MAST2: variants seen among roughly 807,000 people sequenced by gnomAD.
MAST2 encodes microtubule-associated serine/threonine-protein kinase 2.
MAST2 carries 70 observed loss-of-function variants against 147.4 expected under a neutral mutation model. The ratio of observed to expected loss-of-function variants is 0.47; its 90% confidence interval spans 0.39 to 0.58. MAST2 has a LOEUF of 0.58. MAST2 is among the 20% of genes least tolerant of loss of function. The pLI is 0.00. For synonymous variants in MAST2, 869 were observed against 896.8 expected (o/e 0.97, Z 0.55); for missense variants, 2,080 against 2,302.3 (o/e 0.90, Z 1.98).
At chr1:45,965,623 G>A (rs1661074038) in intron 5 of MAST2, among the ~76,000 whole-genome samples, 1 of 151,956 alleles carries the variant, frequency 6.6e-6, no homozygotes, top group Non-Finnish European at 1.5e-5. Flanking sequence ...TGTGTATTCA[G>A]TATTAAATAT....
chr1:45,939,232 G>T (rs1656766819), intron 4 of MAST2, among the ~76,000 whole-genome samples: 1 of 151,926 alleles, frequency 6.6e-6, no homozygotes, highest in Non-Finnish European at 1.5e-5. Flanking sequence ...GTGTGTGACT[G>T]TCCAATTTTT....
chr1:45,945,783 C>A (rs1020999622), intron 4 of MAST2, among the ~76,000 whole-genome samples: 7 of 152,186 alleles, frequency 4.6e-5, no homozygotes, highest in African/African-American at 1.7e-4. Flanking sequence ...AGAAATGTAA[C>A]CTGTGAGTGG....
rs192791014 is a variant in MAST2 at position 45,868,598 on chromosome 1, C to T, written c.469-13766C>T. 4.6e-4 allele frequency among the ~76,000 whole-genome samples: 70 copies of T among 151,914 alleles called. 1 individual carries two copies. The highest frequency in any genetic ancestry group is 2.9e-3 in the Admixed American group (44 of 15,256). On this transcript the variant is annotated intron_variant, in intron 3 of 28. Coordinates refer to ENST00000361297, the MANE Select transcript of MAST2 (RefSeq NM_015112.3). ...AGAGTACTTAGAGTGTCATTGTTTA[C>T]GGGTACTTAATTATTTTGGAGGATA...
chr1:45,860,827 C>T (rs1045280085), intron 3 of MAST2, among the ~76,000 whole-genome samples: 5 of 151,648 alleles, frequency 3.3e-5, no homozygotes, highest in African/African-American at 9.7e-5. Context: ...AGCGAAACTC[C>T]GTCTCCAAAA....
chr1:45,860,736 G>A (rs562304786), intron 3 of MAST2, among the ~76,000 whole-genome samples: 22 of 152,054 alleles, frequency 1.4e-4, no homozygotes, highest in African/African-American at 5.1e-4. Context: ...GGAGGCTGAG[G>A]CAGGAGAATC....
Position 45,959,429 on chromosome 1 carries a change from A to G in MAST2, c.544A>G (p.Thr182Ala). 1 of 1,613,814 alleles carries G rather than the reference A, an allele frequency of 6.2e-7. No homozygotes were observed. Among genetic ancestry groups the G allele is most frequent in the Non-Finnish European group, 8.5e-7 (1 of 1,179,816 alleles). Residue 182 changes from threonine to alanine, a missense_variant, in exon 5 of 29, where the codon ACA (threonine) becomes GCA (alanine). Thr to Ala is a moderately conservative substitution (Grantham distance 58, BLOSUM62 0). Coordinates refer to ENST00000361297, the MANE Select transcript of MAST2 (RefSeq NM_015112.3). ...CAAGAGCTTGATTGTGACCTCTAGCACATCACCTACACTACCACGGCCACA... is the reference window on the plus strand; with the variant it reads ...CAAGAGCTTGATTGTGACCTCTAGCGCATCACCTACACTACCACGGCCACA... ...NRKSLIVTSSTSPTLPRPHSP... is the reference protein window; with the variant it reads ...NRKSLIVTSSASPTLPRPHSP...
intron 3 of MAST2, among the ~76,000 whole-genome samples, chr1:45,874,723 G>A (rs1260182821): frequency 2.6e-5 from 4 of 152,170 alleles, no homozygotes; most frequent in Non-Finnish European, 4.4e-5. Flanking sequence ...GAATGTCCTT[G>A]AGAGCAAGAC....
chr1:46,034,631 G>T lies in MAST2; in HGVS notation c.3962G>T (p.Gly1321Val), dbSNP rs1314800331. The change falls in exon 29 of 29, where the codon GGT (glycine) becomes GTT (valine). Residue 1321 changes from glycine (G) to valine (V), a missense_variant. Around this residue, in one of 4 missense-constraint regions of MAST2, gnomAD observed 1,278 missense variants for 1,304.2 expected, o/e 0.98. Transcript: ENST00000361297. ...SGHTRPSSLH[G>V]LAPKLQRQYR... ...CACACACGGCCCAGCTCCCTCCACG[G>T]TCTGGCACCCAAGCTCCAACGCCAG... The T allele has an allele frequency of 1.9e-6, 3 of 1,614,016 alleles. No homozygotes were observed. Among genetic ancestry groups the T allele is most frequent in the Non-Finnish European group, 2.5e-6 (3 of 1,180,034 alleles).
At chr1:45,848,334 C>T (rs1023750597) in intron 3 of MAST2, among the ~76,000 whole-genome samples, 1 of 151,480 alleles carries the variant, frequency 6.6e-6, no homozygotes, top group Admixed American at 6.6e-5. Context: ...ACTTACTGTG[C>T]AAACAATGTG....
chr1:45,902,913 C>G (rs1650022289), intron 4 of MAST2, among the ~76,000 whole-genome samples: 1 of 151,792 alleles, frequency 6.6e-6, no homozygotes, highest in Non-Finnish European at 1.5e-5. Flanking sequence ...TTTTGTTTAT[C>G]CTTTGAAATA....
intron 5 of MAST2, among the ~76,000 whole-genome samples, chr1:45,995,915 A>G (rs4660905): frequency 0.34 from 51,477 of 151,944 alleles, 9,115 homozygotes; most frequent in African/African-American, 0.43. Flanking sequence ...ACCTTTAAGT[A>G]ATCTGGTAAA....
chr1:46,026,685 AAG>A (rs1164829068), intron 16 of MAST2, among the ~76,000 whole-genome samples: 1 of 152,032 alleles, frequency 6.6e-6, no homozygotes, highest in Non-Finnish European at 1.5e-5. Context: ...GTATAAAGGA[AAG>A]AGGATCAGGC....
rs980630614 is a variant in MAST2, at chr1:46,031,913, G to A, written c.3188-265G>A. Among the ~76,000 whole-genome samples, 20 of 152,220 alleles carry A rather than the reference G, an allele frequency of 1.3e-4. No individual in the cohort carries two copies. Among genetic ancestry groups the A allele is most frequent in the African/African-American group, 4.6e-4 (19 of 41,458 alleles). ...AAAAATGTGGATATAATAGAGGCCA[G>A]CTGATAGGTTGTGACATTTAAATAT... On this transcript the variant is annotated intron_variant, in intron 24 of 28. Coordinates refer to ENST00000361297, the MANE Select transcript of MAST2 (RefSeq NM_015112.3). This position sits in a 1 kb window ranked among gnomAD's most constrained non-coding sequence, Gnocchi z 4.1.
chr1:46,029,504 C>A lies in MAST2; in HGVS notation c.2257C>A (p.Pro753Thr). Residue 753 changes from proline (P) to threonine (T), a missense_variant, in exon 19 of 29, where the codon CCA becomes ACA. Physicochemically the swap from Pro to Thr is conservative, Grantham distance 38 (BLOSUM62 -1). This residue lies in a region of MAST2 where 209 missense variants were observed against 309.5 expected (regional missense o/e 0.68). Transcript: ENST00000361297. ...GCCTGAGGGTGATGAGGCACTGCCC[C>A]CAGACGCCCAGGACCTCACCTCCAA... ...VWPEGDEALP[P>T]DAQDLTSKLL... The A allele has an allele frequency of 6.2e-7, 1 of 1,614,106 alleles. No individual in the cohort carries two copies.
intron 5 of MAST2, among the ~76,000 whole-genome samples, chr1:45,965,883 ACACAT>A (rs1262481172): frequency 1.3e-5 from 2 of 152,140 alleles, no homozygotes; most frequent in Admixed American, 1.3e-4. Context: ...GCCTACACTG[ACACAT>A]CACCCAGGCA....
intron 3 of MAST2, among the ~76,000 whole-genome samples, chr1:45,864,809 T>A (rs1646090931): frequency 6.6e-6 from 1 of 152,238 alleles, no homozygotes. Context: ...CTTTTCTTAG[T>A]ACTTCAAATA....
intron 4 of MAST2, among the ~76,000 whole-genome samples, chr1:45,948,686 G>A (rs759941751): frequency 1.9e-4 from 22 of 115,560 alleles, no homozygotes; most frequent in South Asian, 6.1e-4. Flanking sequence ...CAGCCTGGGC[G>A]ACAGAGTGAG....
intron 15 of MAST2, 24 bp from the exon 16 acceptor site, chr1:46,025,653 C>T: frequency 6.2e-7 from 1 of 1,613,706 alleles, no homozygotes; most frequent in Non-Finnish European, 8.5e-7. Flanking sequence ...ATCCTTTCCT[C>T]ATGGTAGCCT....
At chr1:45,813,471 A>C (rs1256170972) in intron 1 of MAST2, among the ~76,000 whole-genome samples, 7 of 150,114 alleles carry the variant, frequency 4.7e-5, no homozygotes, top group Non-Finnish European at 8.8e-5. Context: ...CTAGGATTAC[A>C]GGCAGCCGCC....
Sources: allele counts gnomAD v4.1 joint callset (sites outside exome capture counted in the v4.1 genomes callset), GRCh38; gene constraint gnomAD v4.1.1; regional missense constraint gnomAD v4.1.1; non-coding constraint Gnocchi (gnomAD v3.1); transcripts MANE v1.5; gene names NCBI Gene and HGNC (gene_info 2026-07-23, HGNC 2026-07-21).